TMEM154: variants seen among roughly 807,000 people sequenced by gnomAD.
TMEM154 encodes the protein transmembrane protein 154.
Under a neutral mutation model 24.5 loss-of-function variants are expected in TMEM154, and 27 were observed. That is an observed-to-expected ratio of 1.10 (90% CI 0.81 to 1.52). The LOEUF is 1.52. TMEM154 is among the 40% of genes most tolerant of loss of function. The probability of loss-of-function intolerance (pLI) is 0.00; values close to 1 mark genes in which losing one functional copy is unlikely to be tolerated. For missense variants in TMEM154, 228 were observed against 213.4 expected, an observed-to-expected ratio of 1.07 and a Z score of -0.43; for synonymous variants, 67 against 76.8, an observed-to-expected ratio of 0.87 and a Z score of 0.67.
At chr4:152,646,745 G>C (rs556019988) in intron 3 of TMEM154, 2 of 565,274 alleles carry the variant, frequency 3.5e-6, no homozygotes, top group East Asian at 5.9e-5. Flanking sequence ...CTGTGCATTC[G>C]ATAGTGGGGT....
rs550561236 is a variant in TMEM154, at chr4:152,657,574, C to T, written c.65-4647G>A. Among the ~76,000 whole-genome samples the T allele has an allele frequency of 1.1e-4, 16 of 152,258 alleles. No individual in the cohort carries two copies. In the East Asian group the frequency reaches 2.3e-3, roughly 22 times the overall value. On this transcript the variant is annotated intron_variant, in intron 1 of 6. Coordinates refer to ENST00000304385, the MANE Select transcript of TMEM154 (RefSeq NM_152680.3). ...CAATAGATGAAAACTTCCCAAGTTT[C>T]GCAAGAGATTTAGACATCCAGATAC...
At chr4:152,650,893 G>A (rs1441804937) in intron 3 of TMEM154, among the ~76,000 whole-genome samples, 1 of 152,222 alleles carries the variant, frequency 6.6e-6, no homozygotes, top group African/African-American at 2.4e-5. Context: ...AATATTTTTA[G>A]TGGAATCTTG....
chr4:152,627,534 C>G lies in TMEM154; in HGVS notation c.*1012G>C, dbSNP rs1751940928. 6.6e-6 allele frequency: 1 copy of G among 152,188 alleles called. No individual in the cohort carries two copies. Among genetic ancestry groups the G allele is most frequent in the African/African-American group, 2.4e-5 (1 of 41,454 alleles). The allele number at this position is 152,188 out of a possible 1,614,324, so 9.4% of individuals were successfully genotyped here. On this transcript the variant is annotated 3_prime_UTR_variant, in exon 7 of 7. Coordinates refer to ENST00000304385, the MANE Select transcript of TMEM154 (RefSeq NM_152680.3). Reference sequence around the variant, plus strand: ...AAAAATATCACATAGAATGTCATCTCTGATGGACTGACAGAGACCTCCTGT... The same window carrying G: ...AAAAATATCACATAGAATGTCATCTGTGATGGACTGACAGAGACCTCCTGT...
At position 152,625,828 on chromosome 4, in the gene TMEM154, G is replaced by A. The variant is rs939779212; in HGVS notation, c.*2718C>T. On this transcript the variant is annotated 3_prime_UTR_variant, in exon 7 of 7. Coordinates refer to ENST00000304385, the MANE Select transcript of TMEM154 (RefSeq NM_152680.3). ...GAGACAGGAGGACTGCTTGAGCCCA[G>A]GAGTTTGAAACCAGCCTGGGCAACA... is the stretch of plus-strand genomic sequence containing the variant. The A allele has an allele frequency of 6.6e-6, 1 of 152,184 alleles. No individual in the cohort carries two copies. Among genetic ancestry groups the A allele is most frequent in the Non-Finnish European group, 1.5e-5 (1 of 68,068 alleles). 9.4% of individuals were successfully genotyped at this position (152,184 alleles called of 1,614,324 possible).
At chr4:152,630,244 C>A (rs181294989) in intron 6 of TMEM154, among the ~76,000 whole-genome samples, 1 of 131,408 alleles carries the variant, frequency 7.6e-6, no homozygotes, top group African/African-American at 2.9e-5. Flanking sequence ...CCCTACCGTT[C>A]GAGGCTGTAG....
At chr4:152,671,890 A>C (rs1289599047) in intron 1 of TMEM154, among the ~76,000 whole-genome samples, 1 of 151,966 alleles carries the variant, frequency 6.6e-6, no homozygotes, top group Non-Finnish European at 1.5e-5. Context: ...ACCGGTGATG[A>C]AAATACCAGG....
intron 6 of TMEM154, among the ~76,000 whole-genome samples, chr4:152,638,118 T>C (rs368498708): frequency 6.6e-6 from 1 of 152,016 alleles, no homozygotes. Flanking sequence ...TAAAATAAAA[T>C]TAGCCAGGCA....
intron 1 of TMEM154, chr4:152,668,874 G>A (rs1303435073): frequency 6.6e-6 from 1 of 152,166 alleles, no homozygotes; most frequent in East Asian, 1.9e-4. Context: ...AGAATCGTGG[G>A]TCGCATTTCC....
rs540426405 is a variant in TMEM154 at position 152,619,789 on chromosome 4, C to T, written c.*8757G>A. 2.0e-5 allele frequency: 3 copies of T among 152,312 alleles called. No homozygotes were observed. The highest frequency in any genetic ancestry group is 4.8e-5 in the African/African-American group (2 of 41,578). 9.4% of individuals were successfully genotyped at this position (152,312 alleles called of 1,614,324 possible). A position where few individuals can be genotyped will look rare whatever the true frequency, so the allele number is the denominator to read the frequency against. The stretch of plus-strand genomic sequence containing the variant: ...GTGAGTCATCTGAAAGTGGGACCCC[C>T]AGATCCAGTTGAACTGCCCAGCCAA... On this transcript the variant is annotated 3_prime_UTR_variant, in exon 7 of 7. Coordinates refer to ENST00000304385, the MANE Select transcript of TMEM154 (RefSeq NM_152680.3).
intron 1 of TMEM154, among the ~76,000 whole-genome samples, chr4:152,662,830 T>C (rs1052069525): frequency 1.3e-5 from 2 of 152,132 alleles, no homozygotes; most frequent in Non-Finnish European, 2.9e-5. Context: ...GGCAGAACTC[T>C]CTTTCAGGAA....
chr4:152,665,249 G>T (rs2149788728), intron 1 of TMEM154, among the ~76,000 whole-genome samples: 1 of 152,294 alleles, frequency 6.6e-6, no homozygotes, highest in Admixed American at 6.5e-5. Flanking sequence ...TAGAACCCAG[G>T]TCTCAATAAT....
intron 1 of TMEM154, among the ~76,000 whole-genome samples, chr4:152,662,015 A>C (rs1050934980): frequency 6.6e-6 from 1 of 152,224 alleles, no homozygotes; most frequent in African/African-American, 2.4e-5. Context: ...CTTGAAGATC[A>C]TTCCATGACT....
intron 1 of TMEM154, among the ~76,000 whole-genome samples, chr4:152,678,663 C>A (rs1056203700): frequency 1.3e-5 from 2 of 152,172 alleles, no homozygotes; most frequent in African/African-American, 2.4e-5. Flanking sequence ...CCTGTGTGCC[C>A]AATATGGTTT....
At chr4:152,631,411 C>T (rs1485450884) in intron 6 of TMEM154, among the ~76,000 whole-genome samples, 2 of 152,090 alleles carry the variant, frequency 1.3e-5, no homozygotes, top group Non-Finnish European at 2.9e-5. Flanking sequence ...TATTAATAGT[C>T]TCTGATCATA....
In TMEM154 at chr4:152,652,540, G is replaced by A. The variant is rs147269679; in HGVS notation, c.362C>T (p.Thr121Ile). The A allele has an allele frequency of 1.7e-3, 2,713 of 1,613,526 alleles. 8 individuals carry two copies. The highest frequency in any genetic ancestry group is 2.4e-3 in the Admixed American group (143 of 60,000). ...GCAGGTTTTAGGATAATACTCACAT[G>A]TCTGTAAAGCACTCTGAGATCCTTG... ...SSQGSQSALQ[T>I]YELGSENVKV... The change falls in exon 3 of 7, where the codon ACA becomes ATA. Residue 121 changes from threonine (T) to isoleucine (I), a missense_variant and splice_region_variant. Physicochemically the swap from Thr to Ile is moderately conservative, Grantham distance 89 (BLOSUM62 -1). Coordinates refer to ENST00000304385, the MANE Select transcript of TMEM154 (RefSeq NM_152680.3).
intron 1 of TMEM154, among the ~76,000 whole-genome samples, chr4:152,660,910 G>T (rs1728588982): frequency 6.6e-6 from 1 of 152,174 alleles, no homozygotes; most frequent in African/African-American, 2.4e-5. Flanking sequence ...CCTCTCTGAG[G>T]AAGGTGAATG....
At chr4:152,644,862 C>T (rs1752326162) in intron 3 of TMEM154, among the ~76,000 whole-genome samples, 1 of 152,238 alleles carries the variant, frequency 6.6e-6, no homozygotes, top group African/African-American at 2.4e-5. Context: ...CACTGTGACA[C>T]TGTGCCTCAC....
rs960651161 is a variant in TMEM154 at position 152,619,581 on chromosome 4, A to G, written c.*8965T>C. ...GATGTGATGTGATTTCTGAGTCTAA[A>G]TTATAAAAATACTATGCATTTCTAC... On this transcript the variant is annotated 3_prime_UTR_variant, in exon 7 of 7. Transcript: ENST00000304385. The G allele has an allele frequency of 6.6e-6, 1 of 152,214 alleles. No individual in the cohort carries two copies. Among genetic ancestry groups the G allele is most frequent in the African/African-American group, 2.4e-5 (1 of 41,440 alleles). 9.4% of individuals were successfully genotyped at this position (152,214 alleles called of 1,614,324 possible).
In TMEM154 at chr4:152,640,969, T is replaced by A. The variant is rs908741994; in HGVS notation, c.495A>T (p.Leu165Phe). ...SMNRNADFECLPTLKEEKESN... is the reference protein window; with the variant it reads ...SMNRNADFECFPTLKEEKESN... ...ATTCCTTCTCTTCCTTCAAGGTAGG[T>A]AAACATTCAAAGTCGGCTAGGACAG... is the stretch of plus-strand genomic sequence containing the variant. Residue 165 changes from leucine (L) to phenylalanine (F), a missense_variant, in exon 6 of 7, where the codon TTA becomes TTT. Physicochemically the swap from Leu to Phe is conservative, Grantham distance 22. Transcript: ENST00000304385. The A allele has an allele frequency of 6.2e-7, 1 of 1,602,438 alleles. No individual in the cohort carries two copies. The highest frequency in any genetic ancestry group is 8.5e-7 in the Non-Finnish European group (1 of 1,174,294).
Sources: allele counts gnomAD v4.1 joint callset (sites outside exome capture counted in the v4.1 genomes callset), GRCh38; gene constraint gnomAD v4.1.1; transcripts MANE v1.5; gene names NCBI Gene and HGNC (gene_info 2026-07-23, HGNC 2026-07-21).